STS: variants seen among roughly 807,000 people sequenced by gnomAD.
STS encodes the protein steryl-sulfatase.
Under a neutral mutation model 26.8 loss-of-function variants are expected in STS, and 7 were observed. The ratio of observed to expected loss-of-function variants is 0.26; its 90% CI spans 0.15 to 0.49. The LOEUF is 0.49. Ranked by LOEUF, STS falls within the 20% of genes least tolerant of loss-of-function variation. The pLI is 0.98. For synonymous variants in STS, 199 were observed against 189.4 expected (o/e 1.05, Z -0.42); for missense variants, 434 against 465.6 (o/e 0.93, Z 0.63).
chrX:7,350,111 G>A lies in STS; in HGVS notation c.1587G>A (p.Ala529=), dbSNP rs745717526. The change falls in exon 11 of 11, where the codon GCG becomes GCA. Residue 529 remains alanine, a synonymous_variant. Coordinates refer to ENST00000674429, the MANE Select transcript of STS (RefSeq NM_001320752.2). Reference sequence around the variant, plus strand: ...TCCTCAAAGTCATGCAGGAAGCTGCGGACAGACACACCCAGACCCTGCCAG... The same window carrying A: ...TCCTCAAAGTCATGCAGGAAGCTGCAGACAGACACACCCAGACCCTGCCAG... ...YEILKVMQEA[A]DRHTQTLPEV... 2.6e-5 allele frequency: 31 copies of A among 1,211,882 alleles called. No homozygotes were observed. Among genetic ancestry groups the A allele is most frequent in the South Asian group, 1.2e-4 (7 of 57,006 alleles).
intron 5 of STS, among the ~76,000 whole-genome samples, 191 bp from the exon 6 acceptor site, chrX:7,259,158 G>A (rs948377184): frequency 1.5e-4 from 17 of 111,307 alleles, no homozygotes; most frequent in African/African-American, 5.6e-4. Context: ...TTATTTTCTG[G>A]TAGAGTGAGT....
In STS at chrX:7,282,386, A is replaced by C. The variant is rs756160989; in HGVS notation, c.943+6299A>C. Among the ~76,000 whole-genome samples the C allele has an allele frequency of 6.3e-5, 7 of 111,926 alleles. No individual in the cohort carries two copies. In the South Asian group the frequency reaches 2.6e-3, roughly 42 times the overall value. On this transcript the variant is annotated intron_variant, in intron 7 of 10. Transcript: ENST00000674429. ...CAGCTAATAATTTTATTTTTTGTAG[A>C]GACAAGGTCTCACTATGTTGCCCAG...
chrX:7,229,209 A>G (rs746849882), intron 2 of STS, among the ~76,000 whole-genome samples: 16 of 112,386 alleles, frequency 1.4e-4, no homozygotes, highest in Non-Finnish European at 2.8e-4. Flanking sequence ...CCTAGAAAAC[A>G]TCACACGCTT....
intron 7 of STS, among the ~76,000 whole-genome samples, chrX:7,298,917 A>T (rs1925792238): frequency 9.6e-6 from 1 of 104,028 alleles, no homozygotes; most frequent in Non-Finnish European, 1.9e-5. Context: ...GTTTAAGGGG[A>T]TATCTACCTA....
At chrX:7,251,637 T>C (rs1460068817) in intron 2 of STS, among the ~76,000 whole-genome samples, 1 of 111,613 alleles carries the variant, frequency 9.0e-6, no homozygotes, top group Non-Finnish European at 1.9e-5. Flanking sequence ...ACACCTGCGC[T>C]GTACCCCCTA....
intron 2 of STS, among the ~76,000 whole-genome samples, chrX:7,241,162 A>G (rs1341008900): frequency 1.8e-5 from 2 of 111,815 alleles, no homozygotes; most frequent in Non-Finnish European, 3.8e-5. Flanking sequence ...AAAACAAAGA[A>G]CATGGAGAGA....
At chrX:7,288,883 C>G (rs1484648622) in intron 7 of STS, among the ~76,000 whole-genome samples, 1 of 111,522 alleles carries the variant, frequency 9.0e-6, no homozygotes, top group Non-Finnish European at 1.9e-5. Flanking sequence ...ATAATGAAAC[C>G]ACTGGAAGCC....
chrX:7,334,241 G>A lies in STS; in HGVS notation c.1363+134G>A, dbSNP rs778905207. ...GTGCCTCAATGTGCGCCCATGCTTT[G>A]CTTTGTCCTCTTTTCCCTCCTCCTC... On this transcript the variant is annotated intron_variant, in intron 10 of 10. Coordinates refer to ENST00000674429, the MANE Select transcript of STS (RefSeq NM_001320752.2). 3.4e-5 allele frequency: 32 copies of A among 928,491 alleles called. No individual in the cohort carries two copies. The South Asian group carries it at 5.1e-4, about 15-fold the overall frequency. 76.5% of individuals were successfully genotyped at this position (928,491 alleles called of 1,213,427 possible). A position where few individuals can be genotyped will look rare whatever the true frequency, so the allele number is the denominator to read the frequency against.
intron 2 of STS, among the ~76,000 whole-genome samples, chrX:7,213,457 G>A (rs1382453126): frequency 9.0e-6 from 1 of 110,946 alleles, no homozygotes; most frequent in Non-Finnish European, 1.9e-5. Context: ...ACCATCTTTC[G>A]GTGGGAAAGG....
chrX:7,259,754 C>T lies in STS; in HGVS notation c.788C>T (p.Ala263Val), dbSNP rs776438872. The change falls in exon 6 of 11, where the codon GCG (alanine) becomes GTG (valine). Residue 263 changes from alanine (A) to valine (V), a missense_variant. Physicochemically the swap from Ala to Val is moderately conservative, Grantham distance 64. Transcript: ENST00000674429. ...CTCACCCAGAGGCTAACGGTGGAGGCGGCCCAGTTCATACAGCGGTGGGTA... is the reference window on the plus strand; with the variant it reads ...CTCACCCAGAGGCTAACGGTGGAGGTGGCCCAGTTCATACAGCGGTGGGTA... ...DNLTQRLTVEAAQFIQRNTET... is the reference protein window; with the variant it reads ...DNLTQRLTVEVAQFIQRNTET... 1.2e-5 allele frequency: 15 copies of T among 1,208,861 alleles called. No homozygotes were observed. The highest frequency in any genetic ancestry group is 5.2e-5 in the African/African-American group (3 of 57,173).
intron 2 of STS, among the ~76,000 whole-genome samples, chrX:7,227,201 A>T (rs772472716): frequency 8.9e-6 from 1 of 111,777 alleles, no homozygotes; most frequent in African/African-American, 3.2e-5. Context: ...TTAAAAAATA[A>T]TTGTCTTACA....
intron 1 of STS, among the ~76,000 whole-genome samples, 73 bp from the exon 2 acceptor site, chrX:7,190,807 G>T: frequency 9.1e-6 from 1 of 109,822 alleles, no homozygotes; most frequent in Non-Finnish European, 1.9e-5. Context: ...AAATAAAAGA[G>T]CACATGTCAT....
At chrX:7,150,525 AAG>A (rs1414872126) in intron 1 of STS, among the ~76,000 whole-genome samples, 2 of 112,090 alleles carry the variant, frequency 1.8e-5, no homozygotes, top group Non-Finnish European at 3.8e-5. Flanking sequence ...CCGGCCAAAA[AAG>A]AGTATTTTTC....
intron 8 of STS, among the ~76,000 whole-genome samples, chrX:7,318,290 T>C (rs182483359): frequency 9.0e-6 from 1 of 110,962 alleles, no homozygotes; most frequent in African/African-American, 3.3e-5. Context: ...GGAGAGCAGA[T>C]TTCGGTGCTT....
At position 7,184,206 on chromosome X, in the gene STS, G is replaced by A. The variant is rs1464115951; in HGVS notation, c.-133-6674G>A. On this transcript the variant is annotated intron_variant, in intron 1 of 10. Coordinates refer to ENST00000674429, the MANE Select transcript of STS (RefSeq NM_001320752.2). The stretch of plus-strand genomic sequence containing the variant: ...CAGTTGAAATTCTTCTCCCTTATTG[G>A]GTCAACATTATTATGTTTAGCTGAT... Among the ~76,000 whole-genome samples, 3 of 111,480 alleles carry A rather than the reference G, an allele frequency of 2.7e-5. No individual in the cohort carries two copies. In the Admixed American group the frequency reaches 2.9e-4, roughly 11 times the overall value.
At chrX:7,339,776 G>A (rs373036231) in intron 10 of STS, among the ~76,000 whole-genome samples, 1 of 111,571 alleles carries the variant, frequency 9.0e-6, no homozygotes, top group East Asian at 2.8e-4. Flanking sequence ...ATTTCCAACA[G>A]TGGAAAAAAA....
At chrX:7,180,553 G>A (rs763956596) in intron 1 of STS, among the ~76,000 whole-genome samples, 18 of 111,838 alleles carry the variant, frequency 1.6e-4, no homozygotes, top group Non-Finnish European at 3.2e-4. Context: ...TGGCTCTGGG[G>A]TTGGGGACCC....
At chrX:7,271,316 C>T (rs1458090430) in intron 6 of STS, among the ~76,000 whole-genome samples, 1 of 111,242 alleles carries the variant, frequency 9.0e-6, no homozygotes, top group African/African-American at 3.3e-5. Flanking sequence ...ATTTCATGTT[C>T]GTTTTGAGGA....
chrX:7,148,749 C>T (rs1483713513), intron 1 of STS, among the ~76,000 whole-genome samples: 3 of 112,322 alleles, frequency 2.7e-5, no homozygotes, highest in Non-Finnish European at 5.6e-5. Flanking sequence ...GCTGCACAAC[C>T]TCCGTGCCTG....
Sources: allele counts gnomAD v4.1 joint callset (sites outside exome capture counted in the v4.1 genomes callset), GRCh38; gene constraint gnomAD v4.1.1; transcripts MANE v1.5; gene names NCBI Gene and HGNC (gene_info 2026-07-23, HGNC 2026-07-21).